Variants in ELMO2 observed in about 807,000 individuals in gnomAD.
ELMO2 encodes the protein engulfment and cell motility protein 2.
In ELMO2, 37 loss-of-function variants were observed where a neutral mutation model predicts 96.2. The observed-to-expected ratio is 0.38, with a 90% CI of 0.30 to 0.51. The LOEUF (loss-of-function observed/expected upper bound fraction) is 0.51. Among genes scored for constraint, ELMO2 ranks in the 20% least tolerant of loss-of-function variants. ELMO2 has a pLI of 0.88. For synonymous variants in ELMO2, 315 were observed against 329.4 expected (o/e 0.96, Z 0.47); for missense variants, 561 against 912.6 (o/e 0.61, Z 4.96).
At position 46,393,262 on chromosome 20, in the gene ELMO2, A is replaced by G. The variant is rs1229491484; in HGVS notation, c.193-119T>C. 5 of 1,043,754 alleles carry G rather than the reference A, an allele frequency of 4.8e-6. No homozygotes were observed. In the African/African-American group the frequency reaches 7.9e-5, roughly 16 times the overall value. The allele number at this position is 1,043,754 out of a possible 1,614,324, so 64.7% of individuals were successfully genotyped here. ...ACAGTAGATGTAACTGAGGATCTTC[A>G]GTCGGGCCCTCTTCTCCTGCTTATT... On this transcript the variant is annotated intron_variant, in intron 5 of 21. Transcript: ENST00000290246.
chr20:46,394,177 G>T, intron 3 of ELMO2, 88 bp from the exon 4 acceptor site: 2 of 1,293,978 alleles, frequency 1.5e-6, no homozygotes, highest in African/African-American at 1.5e-5. Context: ...GCAGGGTCAA[G>T]CTGGGGCATG....
In ELMO2 at chr20:46,375,664, C is replaced by T. The variant is rs1170254625; in HGVS notation, c.930+4G>A. On this transcript the variant is annotated splice_donor_region_variant and intron_variant, in intron 12 of 21. Coordinates refer to ENST00000290246, the MANE Select transcript of ELMO2 (RefSeq NM_133171.5). The surrounding 1 kb of genome is among the most constrained non-coding windows in gnomAD (Gnocchi z 4.6). ...AGAAAACAGCTGCCCCACTTAGCAC[C>T]TACCTGGTCATTGGGGTCCATCTTG... 3.1e-6 allele frequency: 5 copies of T among 1,614,086 alleles called. No homozygotes were observed. The highest frequency in any genetic ancestry group is 4.2e-6 in the Non-Finnish European group (5 of 1,179,926).
At chr20:46,404,301 A>G (rs528429267) in intron 1 of ELMO2, among the ~76,000 whole-genome samples, 83 of 152,304 alleles carry the variant, frequency 5.4e-4, no homozygotes, top group African/African-American at 1.9e-3. Flanking sequence ...GGCAGGTGGT[A>G]CTGCTACATC....
At chr20:46,377,693 C>G (rs896880500) in intron 11 of ELMO2, among the ~76,000 whole-genome samples, 1 of 152,234 alleles carries the variant, frequency 6.6e-6, no homozygotes, top group African/African-American at 2.4e-5. Flanking sequence ...CCCTCCCTCC[C>G]CCTGAATCGG....
chr20:46,398,842 C>T (rs1038401921), intron 1 of ELMO2, 71 bp from the exon 2 acceptor site: 1 of 152,200 alleles, frequency 6.6e-6, no homozygotes, highest in Non-Finnish European at 1.5e-5. Context: ...CCCAACACAT[C>T]AGAACTGGGT....
At chr20:46,369,040 T>G in intron 20 of ELMO2, 72 bp from the exon 21 acceptor site, 1 of 1,371,828 alleles carries the variant, frequency 7.3e-7, no homozygotes, top group Non-Finnish European at 1.0e-6. Context: ...TTGGCCAAAG[T>G]CCTAGTGACT....
chr20:46,367,675 A>G, intron 21 of ELMO2, 115 bp from the exon 22 acceptor site: 1 of 628,806 alleles, frequency 1.6e-6, no homozygotes. Flanking sequence ...TAATCAGTAT[A>G]GGCAAAACTG....
At chr20:46,369,098 C>A in intron 20 of ELMO2, 130 bp from the exon 21 acceptor site, 1 of 828,666 alleles carries the variant, frequency 1.2e-6, no homozygotes. Context: ...CATCAATGCT[C>A]CTAGGCGGCC....
chr20:46,387,546 A>G (rs1288909207), intron 7 of ELMO2, 109 bp from the exon 8 acceptor site: 32 of 775,354 alleles, frequency 4.1e-5, no homozygotes, highest in Non-Finnish European at 6.1e-5. Context: ...ACCCCATGGG[A>G]AATCAGTCGA....
At chr20:46,398,865 T>A (rs1030344465) in intron 1 of ELMO2, 94 bp from the exon 2 acceptor site, 3 of 152,180 alleles carry the variant, frequency 2.0e-5, no homozygotes, top group African/African-American at 7.2e-5. Context: ...CAAGCCTAGG[T>A]CTTAGGACTC....
At position 46,393,948 on chromosome 20, in the gene ELMO2, C is replaced by A. The variant is rs2060201571; in HGVS notation, c.119+101G>T. 3.3e-6 allele frequency: 5 copies of A among 1,508,450 alleles called. No individual in the cohort carries two copies. The Admixed American group carries it at 7.0e-5, about 21-fold the overall frequency. The allele number at this position is 1,508,450 out of a possible 1,614,324, so 93.4% of individuals were successfully genotyped here. ...ATTCCCAAGACCCCCATGCTGAGGA[C>A]CTGCCTAACTGGAGATCCTTCCCAG... is the stretch of plus-strand genomic sequence containing the variant. On this transcript the variant is annotated intron_variant, in intron 4 of 21. Transcript: ENST00000290246.
intron 10 of ELMO2, among the ~76,000 whole-genome samples, chr20:46,382,812 C>T (rs968366113): frequency 6.6e-6 from 1 of 152,184 alleles, no homozygotes; most frequent in African/African-American, 2.4e-5. Context: ...CTAAGGTTCA[C>T]AGAGGCAGAG....
chr20:46,374,630 T>C lies in ELMO2; in HGVS notation c.1076A>G (p.Asn359Ser). Residue 359 changes from asparagine to serine, a missense_variant, in exon 14 of 22, where the codon AAT (asparagine) becomes AGT (serine). Coordinates refer to ENST00000290246, the MANE Select transcript of ELMO2 (RefSeq NM_133171.5). ...AGTCTGGGTAAAGTCCATGGCTGGA[T>C]TGATGTGGTTCTAGAGAAATAAAGA... is the stretch of plus-strand genomic sequence containing the variant. ...YKMLGFTNHI[N>S]PAMDFTQTPP... 7 of 1,614,154 alleles carry C rather than the reference T, an allele frequency of 4.3e-6. No individual in the cohort carries two copies. The highest frequency in any genetic ancestry group is 1.1e-5 in the South Asian group (1 of 91,082).
At chr20:46,376,164 T>C (rs2059856158) in intron 11 of ELMO2, among the ~76,000 whole-genome samples, 1 of 152,088 alleles carries the variant, frequency 6.6e-6, no homozygotes, top group African/African-American at 2.4e-5. Context: ...TGCAAAACAA[T>C]AGATGGTGTG....
chr20:46,384,512 T>C (rs1227899638), intron 9 of ELMO2, among the ~76,000 whole-genome samples: 1 of 149,758 alleles, frequency 6.7e-6, no homozygotes, highest in African/African-American at 2.5e-5. Context: ...TCCCCTATCA[T>C]CCCTAGGGAG....
chr20:46,369,318 A>G (rs2059647937), intron 20 of ELMO2: 1 of 197,776 alleles, frequency 5.1e-6, no homozygotes, highest in Non-Finnish European at 1.0e-5. Flanking sequence ...ATCGTGCTGT[A>G]TTTGGCATAG....
intron 6 of ELMO2, among the ~76,000 whole-genome samples, 153 bp from the exon 7 acceptor site, chr20:46,389,373 G>C (rs552691400): frequency 4.6e-5 from 7 of 152,182 alleles, no homozygotes; most frequent in Non-Finnish European, 1.0e-4. Context: ...AATGTTTGTG[G>C]AATCAATCAG....
chr20:46,400,243 A>G (rs1052577554), intron 1 of ELMO2, among the ~76,000 whole-genome samples: 1 of 152,278 alleles, frequency 6.6e-6, no homozygotes, highest in Non-Finnish European at 1.5e-5. Context: ...AGTTGAAAGA[A>G]AGAGGAAAAC....
chr20:46,367,761 TTA>T (rs2059613726), intron 21 of ELMO2, among the ~76,000 whole-genome samples: 1 of 152,154 alleles, frequency 6.6e-6, no homozygotes, highest in Non-Finnish European at 1.5e-5. Flanking sequence ...ATAAGGGGTT[TTA>T]TATTACAACT....
Sources: allele counts gnomAD v4.1 joint callset (sites outside exome capture counted in the v4.1 genomes callset), GRCh38; gene constraint gnomAD v4.1.1; non-coding constraint Gnocchi (gnomAD v3.1); transcripts MANE v1.5; gene names NCBI Gene and HGNC (gene_info 2026-07-23, HGNC 2026-07-21).